The following FERMT2 variants were observed in gnomAD, a reference collection of about 807,000 sequenced individuals.
The protein encoded by FERMT2 is fermitin family homolog 2.
A neutral mutation model predicts 82.7 loss-of-function variants in FERMT2; 15 were observed. The ratio of observed to expected loss-of-function variants is 0.18; its 90% CI spans 0.12 to 0.28. The LOEUF is 0.28. FERMT2 is among the 10% of genes least tolerant of loss of function. The pLI, the probability that FERMT2 is intolerant of heterozygous loss-of-function variation, is 1.00. For missense variants in FERMT2, 645 were observed against 809.4 expected, an observed-to-expected ratio of 0.80 and a Z score of 2.46; for synonymous variants, 274 against 271.5, an observed-to-expected ratio of 1.01 and a Z score of -0.09.
intron 3 of FERMT2, among the ~76,000 whole-genome samples, chr14:52,911,700 A>C (rs2139614056): frequency 6.6e-6 from 1 of 152,118 alleles, no homozygotes; most frequent in African/African-American, 2.4e-5. Flanking sequence ...TTGCCAACAC[A>C]GTTTAATCAC....
intron 3 of FERMT2, among the ~76,000 whole-genome samples, chr14:52,918,071 G>T (rs1309653123): frequency 6.6e-6 from 1 of 152,190 alleles, no homozygotes; most frequent in African/African-American, 2.4e-5. Flanking sequence ...TGCAGCATTT[G>T]CTCTAAGAGT....
chr14:52,919,787 G>A (rs1271537989), intron 2 of FERMT2, among the ~76,000 whole-genome samples: 1 of 152,234 alleles, frequency 6.6e-6, no homozygotes, highest in South Asian at 2.1e-4. Context: ...AGAAATGTGT[G>A]AAGGTGAATA....
intron 10 of FERMT2, among the ~76,000 whole-genome samples, chr14:52,866,233 C>T (rs1029508665): frequency 6.6e-6 from 1 of 152,182 alleles, no homozygotes; most frequent in Non-Finnish European, 1.5e-5. Flanking sequence ...CATTCCATGC[C>T]ACCTCAGCTA....
Position 52,896,999 on chromosome 14 carries a change from A to AACACACAC in FERMT2, c.392-3580_392-3573dup, listed in dbSNP as rs57945447. 5.1e-3 allele frequency among the ~76,000 whole-genome samples: 706 copies of AACACACAC among 137,158 alleles called. 8 individuals are homozygous for AACACACAC. The highest frequency in any genetic ancestry group is 0.018 in the African/African-American group (631 of 35,280). 90.0% of individuals were successfully genotyped at this position (137,158 alleles called of 152,430 possible). A position where few individuals can be genotyped will look rare whatever the true frequency, so the allele number is the denominator to read the frequency against. On this transcript the variant is annotated intron_variant, in intron 3 of 14. Transcript: ENST00000341590. ...GCAAGACCATCTGCAAAACAAATAA[A>AACACACAC]ACACACACACACACACACACACACA...
intron 3 of FERMT2, among the ~76,000 whole-genome samples, chr14:52,910,233 T>C (rs1888240359): frequency 6.6e-6 from 1 of 152,210 alleles, no homozygotes; most frequent in Non-Finnish European, 1.5e-5. Flanking sequence ...ACTAGCATTT[T>C]GTGCTTCTCC....
chr14:52,910,496 T>TAA (rs934974531), intron 3 of FERMT2, among the ~76,000 whole-genome samples: 2 of 146,392 alleles, frequency 1.4e-5, no homozygotes, highest in African/African-American at 2.5e-5. Flanking sequence ...TACGTTACAT[T>TAA]AAAAAAAAAA....
At chr14:52,888,061 T>C (rs1202720832) in intron 4 of FERMT2, among the ~76,000 whole-genome samples, 3 of 152,142 alleles carry the variant, frequency 2.0e-5, no homozygotes, top group Admixed American at 2.0e-4. Flanking sequence ...TGACATTATA[T>C]ACGTTTATTT....
In FERMT2 at chr14:52,857,863, T is replaced by C. The variant is rs1392978451; in HGVS notation, c.*514A>G. On this transcript the variant is annotated 3_prime_UTR_variant, in exon 15 of 15. Transcript: ENST00000341590. Reference sequence around the variant, plus strand: ...CACGACGGACTAATAGCATTTTCCTTCAAGGTCAAACACAATGACATTACT... The same window carrying C: ...CACGACGGACTAATAGCATTTTCCTCCAAGGTCAAACACAATGACATTACT... 1 of 153,770 alleles carries C rather than the reference T, an allele frequency of 6.5e-6. No individual in the cohort carries two copies. The highest frequency in any genetic ancestry group is 1.5e-5 in the Non-Finnish European group (1 of 68,732). 9.5% of individuals were successfully genotyped at this position (153,770 alleles called of 1,614,324 possible). A position where few individuals can be genotyped will look rare whatever the true frequency, so the allele number is the denominator to read the frequency against.
intron 4 of FERMT2, among the ~76,000 whole-genome samples, chr14:52,883,232 G>A (rs1229138254): frequency 6.6e-6 from 1 of 152,172 alleles, no homozygotes; most frequent in African/African-American, 2.4e-5. Context: ...GCAAAGTTGT[G>A]AACTCTTTAT....
chr14:52,863,100 CTCTTTT>C (rs1333665380), intron 12 of FERMT2: 5 of 152,162 alleles, frequency 3.3e-5, no homozygotes, highest in African/African-American at 4.8e-5. Context: ...GCTTTACTTT[CTCTTTT>C]TAACTTACAA....
chr14:52,923,196 G>A (rs1889058260), intron 2 of FERMT2, among the ~76,000 whole-genome samples: 1 of 138,386 alleles, frequency 7.2e-6, no homozygotes, highest in Non-Finnish European at 1.6e-5. Context: ...ATTTTTAACT[G>A]GTGGGGGTTG....
At chr14:52,879,198 T>C (rs1886152590) in intron 6 of FERMT2, among the ~76,000 whole-genome samples, 1 of 152,208 alleles carries the variant, frequency 6.6e-6, no homozygotes, top group African/African-American at 2.4e-5. Flanking sequence ...ATTTTAAGTA[T>C]GCAAAATACA....
chr14:52,929,388 C>T (rs1166310984), intron 2 of FERMT2, among the ~76,000 whole-genome samples: 1 of 152,182 alleles, frequency 6.6e-6, no homozygotes, highest in Admixed American at 6.5e-5. Flanking sequence ...TTGCATACAA[C>T]AGCCAGAGTC....
rs200798626 is a variant in FERMT2, at chr14:52,914,209, A to AT, written c.391+4913_391+4914insA. ...AAGACCCTGTCTCTACAAAAAAAAA[A>AT]ATATATAAAAATTAGCCAGGCATGG... On this transcript the variant is annotated intron_variant, in intron 3 of 14. Coordinates refer to ENST00000341590, the MANE Select transcript of FERMT2 (RefSeq NM_006832.3). Among the ~76,000 whole-genome samples the AT allele has an allele frequency of 4.1e-3, 621 of 152,058 alleles. 6 individuals are homozygous for AT. The highest frequency in any genetic ancestry group is 0.013 in the African/African-American group (529 of 41,470).
chr14:52,866,092 C>T (rs929468724), intron 10 of FERMT2, among the ~76,000 whole-genome samples: 5 of 152,112 alleles, frequency 3.3e-5, no homozygotes, highest in African/African-American at 7.2e-5. Flanking sequence ...AGAGGATTTA[C>T]AGTACACAAT....
chr14:52,862,419 G>A (rs998503320), intron 12 of FERMT2, among the ~76,000 whole-genome samples: 5 of 152,078 alleles, frequency 3.3e-5, no homozygotes, highest in Non-Finnish European at 4.4e-5. Flanking sequence ...TGTAATCCCA[G>A]TGCTTCGGGA....
chr14:52,876,890 C>CG (rs1885989240), intron 7 of FERMT2, among the ~76,000 whole-genome samples: 1 of 152,100 alleles, frequency 6.6e-6, no homozygotes, highest in African/African-American at 2.4e-5. Flanking sequence ...AGAAAGCCTC[C>CG]AACAACTCAA....
chr14:52,863,653 T>C (rs932959094), intron 12 of FERMT2: 1 of 152,186 alleles, frequency 6.6e-6, no homozygotes, highest in African/African-American at 2.4e-5. Flanking sequence ...TTTACCAAAC[T>C]GTGTAACTAT....
intron 4 of FERMT2, among the ~76,000 whole-genome samples, chr14:52,884,148 T>C (rs1886449790): frequency 6.6e-6 from 1 of 152,252 alleles, no homozygotes; most frequent in Non-Finnish European, 1.5e-5. Context: ...ACTTAATCAC[T>C]TCGTTGTTCT....
Sources: allele counts gnomAD v4.1 joint callset (sites outside exome capture counted in the v4.1 genomes callset), GRCh38; gene constraint gnomAD v4.1.1; transcripts MANE v1.5; gene names NCBI Gene and HGNC (gene_info 2026-07-23, HGNC 2026-07-21).